NLGN1: variants seen among roughly 807,000 people sequenced by gnomAD.
NLGN1 encodes the protein neuroligin-1.
A neutral mutation model predicts 65.5 loss-of-function variants in NLGN1; 12 were observed. The ratio of observed to expected loss-of-function variants is 0.18; its 90% CI spans 0.12 to 0.30. The LOEUF is 0.30. Among genes scored for constraint, NLGN1 ranks in the 10% least tolerant of loss-of-function variants. The probability of loss-of-function intolerance (pLI) is 1.00; values close to 1 mark genes in which losing one functional copy is unlikely to be tolerated. For missense variants in NLGN1, 750 were observed against 1,007.1 expected, an observed-to-expected ratio of 0.74 and a Z score of 3.46; for synonymous variants, 350 against 359.5, an observed-to-expected ratio of 0.97 and a Z score of 0.30.
intron 4 of NLGN1, among the ~76,000 whole-genome samples, chr3:174,178,933 G>T (rs564609297): frequency 1.6e-4 from 24 of 152,138 alleles, no homozygotes; most frequent in Admixed American, 1.4e-3. Context: ...CTTTCTCAAG[G>T]TTATGAAATC....
intron 2 of NLGN1, among the ~76,000 whole-genome samples, chr3:173,436,362 T>C (rs1718136047): frequency 6.6e-6 from 1 of 152,194 alleles, no homozygotes; most frequent in Non-Finnish European, 1.5e-5. Flanking sequence ...TTCTGGTTAG[T>C]GGCTCCCATT....
At chr3:174,032,267 G>A (rs906740767) in intron 4 of NLGN1, among the ~76,000 whole-genome samples, 5 of 152,160 alleles carry the variant, frequency 3.3e-5, no homozygotes, top group African/African-American at 9.7e-5. Context: ...CTAGTTTAAT[G>A]TGAAGGGAAA....
chr3:173,671,036 T>C (rs1431265234), intron 3 of NLGN1, among the ~76,000 whole-genome samples: 1 of 152,190 alleles, frequency 6.6e-6, no homozygotes, highest in Non-Finnish European at 1.5e-5. Context: ...TTTTAATTAC[T>C]CTAAATTGAG....
At chr3:174,204,047 A>G (rs1013339371) in intron 4 of NLGN1, among the ~76,000 whole-genome samples, 5 of 152,214 alleles carry the variant, frequency 3.3e-5, no homozygotes, top group Admixed American at 2.0e-4. Context: ...ATATCTTTCT[A>G]TTAGACATAA....
At chr3:173,448,763 A>T (rs1720887708) in intron 2 of NLGN1, among the ~76,000 whole-genome samples, 1 of 152,112 alleles carries the variant, frequency 6.6e-6, no homozygotes, top group African/African-American at 2.4e-5. Flanking sequence ...CTATTCAGAG[A>T]TTCAACTTCT....
intron 4 of NLGN1, among the ~76,000 whole-genome samples, chr3:173,934,529 A>T (rs891480760): frequency 2.6e-5 from 4 of 151,916 alleles, no homozygotes; most frequent in Non-Finnish European, 5.9e-5. Flanking sequence ...TATATGGAGG[A>T]TAAGAATTAC....
At chr3:173,825,889 C>A (rs1476128241) in intron 4 of NLGN1, among the ~76,000 whole-genome samples, 1 of 151,794 alleles carries the variant, frequency 6.6e-6, no homozygotes, top group African/African-American at 2.4e-5. Context: ...TGTGGTAGAG[C>A]AAAGTAGAGT....
intron 3 of NLGN1, among the ~76,000 whole-genome samples, chr3:173,762,677 G>C (rs559753964): frequency 2.8e-4 from 43 of 152,038 alleles, no homozygotes; most frequent in African/African-American, 9.4e-4. Flanking sequence ...TAGTACCCAA[G>C]CGGCCTGAAA....
Position 174,011,592 on chromosome 3 carries a change from AT to A in NLGN1, c.646+203762del, listed in dbSNP as rs539239353. Among the ~76,000 whole-genome samples, 485 of 152,238 alleles carry A rather than the reference AT, an allele frequency of 3.2e-3. 3 individuals are homozygous for A. Among genetic ancestry groups the A allele is most frequent in the Non-Finnish European group, 5.3e-3 (361 of 68,012 alleles). On this transcript the variant is annotated intron_variant, in intron 4 of 6. Transcript: ENST00000457714. ...AAAATGGTTGTAAGTGTGTAATTGC[AT>A]TGAAGAAACCTGGGTTCAAGTGTAA...
At chr3:173,927,869 C>T (rs905600756) in intron 4 of NLGN1, among the ~76,000 whole-genome samples, 3 of 152,112 alleles carry the variant, frequency 2.0e-5, no homozygotes, top group Non-Finnish European at 4.4e-5. Flanking sequence ...CCTGTGATCC[C>T]TGTAGCATGC....
chr3:173,957,377 G>A (rs1018293896), intron 4 of NLGN1, among the ~76,000 whole-genome samples: 1 of 152,128 alleles, frequency 6.6e-6, no homozygotes, highest in African/African-American at 2.4e-5. Flanking sequence ...GATAGCTGGA[G>A]TCTATTAGGC....
At chr3:174,080,730 A>G (rs1053253098) in intron 4 of NLGN1, among the ~76,000 whole-genome samples, 2 of 150,950 alleles carry the variant, frequency 1.3e-5, no homozygotes, top group Admixed American at 6.6e-5. Flanking sequence ...AGATCTTATC[A>G]GGAGGCTGCT....
intron 4 of NLGN1, among the ~76,000 whole-genome samples, chr3:174,025,305 C>G (rs1049212961): frequency 3.3e-5 from 5 of 152,084 alleles, no homozygotes; most frequent in Non-Finnish European, 5.9e-5. Context: ...ATGACTTAAA[C>G]ATGACTTCAA....
At chr3:174,231,729 A>G (rs1308298360) in intron 4 of NLGN1, among the ~76,000 whole-genome samples, 1 of 152,144 alleles carries the variant, frequency 6.6e-6, no homozygotes, top group Non-Finnish European at 1.5e-5. Flanking sequence ...CCCCCAGCCC[A>G]GAATCTTAGC....
At chr3:173,895,909 C>T (rs1034621702) in intron 4 of NLGN1, among the ~76,000 whole-genome samples, 3 of 152,040 alleles carry the variant, frequency 2.0e-5, no homozygotes, top group Non-Finnish European at 4.4e-5. Flanking sequence ...AGGCTGGTCT[C>T]GAACTCCTGA....
intron 2 of NLGN1, among the ~76,000 whole-genome samples, chr3:173,499,976 A>G (rs1015634107): frequency 7.9e-5 from 12 of 152,020 alleles, no homozygotes; most frequent in Non-Finnish European, 1.3e-4. Flanking sequence ...TTTTCTAGAT[A>G]TACAATCATG....
At chr3:174,294,088 C>T in the NLGN1 span, among the ~76,000 whole-genome samples, 2 of 151,728 alleles carry the variant, frequency 1.3e-5, no homozygotes, top group East Asian at 3.9e-4. Context: ...AATTTACATT[C>T]CACAAACAGT....
At chr3:174,263,009 T>C (rs1458469080) in intron 4 of NLGN1, among the ~76,000 whole-genome samples, 4 of 129,408 alleles carry the variant, frequency 3.1e-5, no homozygotes, top group Non-Finnish European at 6.4e-5. Flanking sequence ...GTGAGATTCT[T>C]AATCCTGAGT....
At chr3:174,092,542 A>G (rs1262244974) in intron 4 of NLGN1, among the ~76,000 whole-genome samples, 2 of 152,088 alleles carry the variant, frequency 1.3e-5, no homozygotes. Flanking sequence ...TGAAAGTAAT[A>G]CCAGTGATGG....
Sources: allele counts gnomAD v4.1 joint callset (sites outside exome capture counted in the v4.1 genomes callset), GRCh38; gene constraint gnomAD v4.1.1; transcripts MANE v1.5; gene names NCBI Gene and HGNC (gene_info 2026-07-23, HGNC 2026-07-21).